Variants in GRID2 observed in about 807,000 individuals in gnomAD.
GRID2 encodes glutamate ionotropic receptor delta type subunit 2.
A neutral mutation model predicts 114.8 loss-of-function variants in GRID2; 33 were observed. That is an observed-to-expected ratio of 0.29 (90% CI 0.22 to 0.38). The LOEUF (loss-of-function observed/expected upper bound fraction) is 0.38, where lower values mean the gene tolerates loss of function less well. Among genes scored for constraint, GRID2 ranks in the 10% least tolerant of loss-of-function variants. GRID2 has a pLI of 1.00. For missense variants in GRID2, 1,184 were observed against 1,257.7 expected, an observed-to-expected ratio of 0.94 and a Z score of 0.89; for synonymous variants, 505 against 449.9, an observed-to-expected ratio of 1.12 and a Z score of -1.55.
chr4:93,420,681 G>T (rs1014107126), intron 9 of GRID2, among the ~76,000 whole-genome samples: 1 of 150,972 alleles, frequency 6.6e-6, no homozygotes, highest in Non-Finnish European at 1.5e-5. Flanking sequence ...GAAAAAAATC[G>T]GTACCTTAAC....
At chr4:92,921,010 C>A (rs1749276562) in intron 2 of GRID2, among the ~76,000 whole-genome samples, 1 of 152,150 alleles carries the variant, frequency 6.6e-6, no homozygotes, top group South Asian at 2.1e-4. Context: ...TTGGTCTTTT[C>A]ACATAGTCCC....
At chr4:92,341,301 C>T (rs1727475911) in intron 1 of GRID2, among the ~76,000 whole-genome samples, 1 of 152,090 alleles carries the variant, frequency 6.6e-6, no homozygotes, top group African/African-American at 2.4e-5. Flanking sequence ...AAAATAAGCC[C>T]TGTATGGTCC....
intron 2 of GRID2, among the ~76,000 whole-genome samples, chr4:92,818,478 G>T (rs1741055109): frequency 6.6e-6 from 1 of 152,040 alleles, no homozygotes; most frequent in African/African-American, 2.4e-5. Context: ...ACCAACGAAG[G>T]CCCAACTTAA....
In GRID2 at chr4:92,795,868, T is replaced by A. The variant is rs145931530; in HGVS notation, c.244+205582T>A. ...GATGTGGTGTCTATTAGCTCTTCAA[T>A]TCCTCCAAGATCCCTATGTTGAAAC... On this transcript the variant is annotated intron_variant, in intron 2 of 15. Coordinates refer to ENST00000282020, the MANE Select transcript of GRID2 (RefSeq NM_001510.4). Among the ~76,000 whole-genome samples, 4 of 152,062 alleles carry A rather than the reference T, an allele frequency of 2.6e-5. No homozygotes were observed. The East Asian group carries it at 7.8e-4, about 30-fold the overall frequency.
chr4:92,675,090 T>C (rs527901417), intron 2 of GRID2, among the ~76,000 whole-genome samples: 19 of 152,310 alleles, frequency 1.2e-4, no homozygotes, highest in African/African-American at 4.6e-4. Context: ...TTCTGACAAG[T>C]AGTTAACTTA....
chr4:92,467,772 T>C (rs1721829333), intron 1 of GRID2, among the ~76,000 whole-genome samples: 1 of 151,994 alleles, frequency 6.6e-6, no homozygotes, highest in South Asian at 2.1e-4. Flanking sequence ...CAGTGATCAA[T>C]GAAAGAATCC....
intron 13 of GRID2, among the ~76,000 whole-genome samples, chr4:93,530,819 A>T (rs1731367105): frequency 6.6e-6 from 1 of 152,174 alleles, no homozygotes; most frequent in South Asian, 2.1e-4. Flanking sequence ...TTTAACAGAA[A>T]TCAATATCAG....
At chr4:93,046,142 C>T (rs148491474) in intron 2 of GRID2, among the ~76,000 whole-genome samples, 8 of 152,188 alleles carry the variant, frequency 5.3e-5, no homozygotes, top group African/African-American at 1.7e-4. Flanking sequence ...TTTTCAGGAA[C>T]TTTATATCCA....
At chr4:92,423,531 A>G (rs953355215) in intron 1 of GRID2, among the ~76,000 whole-genome samples, 4 of 152,160 alleles carry the variant, frequency 2.6e-5, no homozygotes, top group Non-Finnish European at 2.9e-5. Context: ...ATAGAGTTTA[A>G]AAAGTGAAGA....
intron 14 of GRID2, among the ~76,000 whole-genome samples, chr4:93,749,531 A>C (rs943249084): frequency 6.6e-6 from 1 of 152,108 alleles, no homozygotes; most frequent in Non-Finnish European, 1.5e-5. Context: ...AGTGGCATTG[A>C]GCCTCCTCCA....
Position 93,455,644 on chromosome 4 carries a change from T to C in GRID2, c.1546-18T>C, listed in dbSNP as rs1227933494. On this transcript the variant is annotated intron_variant, in intron 10 of 15. Transcript: ENST00000282020. The stretch of plus-strand genomic sequence containing the variant: ...TTTTCACACTGTTAATGTATTCCTT[T>C]CTCTTTCAATTTCTCAGAGAGCCGA... 6.3e-7 allele frequency: 1 copy of C among 1,575,870 alleles called. No homozygotes were observed. The highest frequency in any genetic ancestry group is 1.1e-5 in the South Asian group (1 of 90,156).
chr4:92,430,421 G>A (rs1340180592), intron 1 of GRID2, among the ~76,000 whole-genome samples: 1 of 151,990 alleles, frequency 6.6e-6, no homozygotes, highest in Non-Finnish European at 1.5e-5. Context: ...GTAGATGTAT[G>A]GATTTGTTTT....
chr4:92,449,534 A>G (rs1215760387), intron 1 of GRID2, among the ~76,000 whole-genome samples: 5 of 151,290 alleles, frequency 3.3e-5, no homozygotes, highest in African/African-American at 9.7e-5. Context: ...GAACTTCAGT[A>G]TTTTGTGATC....
intron 2 of GRID2, among the ~76,000 whole-genome samples, chr4:93,057,318 C>G (rs1236199035): frequency 6.6e-6 from 1 of 151,730 alleles, no homozygotes; most frequent in Non-Finnish European, 1.5e-5. Flanking sequence ...GTTAGTAAAG[C>G]TTTTAACAAA....
At chr4:92,474,086 G>T (rs1579428054) in intron 1 of GRID2, among the ~76,000 whole-genome samples, 1 of 151,426 alleles carries the variant, frequency 6.6e-6, no homozygotes, top group East Asian at 2.0e-4. Flanking sequence ...ATAATTAACT[G>T]TAGTCAACAT....
chr4:93,379,836 A>C (rs1371378087), intron 8 of GRID2, among the ~76,000 whole-genome samples: 3 of 152,076 alleles, frequency 2.0e-5, no homozygotes, highest in African/African-American at 4.8e-5. Context: ...TACTTTCTCT[A>C]TTCTAATTTG....
chr4:93,081,971 A>G (rs188941779), intron 2 of GRID2, among the ~76,000 whole-genome samples: 7 of 152,256 alleles, frequency 4.6e-5, no homozygotes, highest in African/African-American at 1.7e-4. Flanking sequence ...GTTATAGCCT[A>G]TTTTTATACT....
intron 2 of GRID2, among the ~76,000 whole-genome samples, chr4:92,879,538 G>A (rs2149455575): frequency 6.6e-6 from 1 of 152,332 alleles, no homozygotes; most frequent in African/African-American, 2.4e-5. Context: ...TGTTCTGGAA[G>A]TGTTATCTTC....
intron 3 of GRID2, among the ~76,000 whole-genome samples, chr4:93,096,668 T>C (rs1731254354): frequency 6.6e-6 from 1 of 151,980 alleles, no homozygotes; most frequent in Admixed American, 6.6e-5. Context: ...ATCCACTAGA[T>C]TGGCTGAAGG....
Sources: gnomAD v4.1 joint callset for allele counts (sites outside exome capture counted in the v4.1 genomes callset) on GRCh38, gnomAD v4.1.1 for gene constraint, MANE v1.5 for transcripts, NCBI Gene and HGNC (gene_info 2026-07-23, HGNC 2026-07-21) for gene names.